Variants in MAGI3 observed in about 807,000 individuals in gnomAD.
MAGI3 encodes the protein membrane associated guanylate kinase, WW and PDZ domain containing 3.
MAGI3 carries 43 observed loss-of-function variants against 121.8 expected under a neutral mutation model. That is an observed-to-expected ratio of 0.35 (90% confidence interval 0.28 to 0.46). The LOEUF is 0.46. Ranked by LOEUF, MAGI3 falls within the 20% of genes least tolerant of loss-of-function variation. MAGI3 has a pLI of 1.00. For missense variants in MAGI3, 1,547 were observed against 1,797.3 expected, an observed-to-expected ratio of 0.86 and a Z score of 2.52; for synonymous variants, 553 against 639.3, an observed-to-expected ratio of 0.86 and a Z score of 2.04.
At chr1:113,541,483 T>A (rs17031648) in intron 1 of MAGI3, among the ~76,000 whole-genome samples, 10,330 of 152,302 alleles carry the variant, frequency 0.068, 388 homozygotes, top group African/African-American at 0.077. Flanking sequence ...CTCCAGAGTA[T>A]TTAATGCTTT....
In MAGI3 at chr1:113,482,645, CTTT is replaced by C. The variant is rs59465922; in HGVS notation, c.317-66850_317-66848del. Reference sequence around the variant, plus strand: ...AGCCACTGCACCAGACCTCAACCTACTTTTTTTTTTTTTTTTTTTTTTAACCAC... The same window carrying C: ...AGCCACTGCACCAGACCTCAACCTACTTTTTTTTTTTTTTTTTTTAACCAC... On this transcript the variant is annotated intron_variant, in intron 1 of 20. Transcript: ENST00000307546. Among the ~76,000 whole-genome samples, 298 of 122,178 alleles carry C rather than the reference CTTT, an allele frequency of 2.4e-3. 2 individuals are homozygous for C. The highest frequency in any genetic ancestry group is 4.3e-3 in the Middle Eastern group (1 of 232). The allele number at this position is 122,178 out of a possible 152,430, so 80.2% of individuals were successfully genotyped here. A position where few individuals can be genotyped will look rare whatever the true frequency, so the allele number is the denominator to read the frequency against.
At chr1:113,630,299 T>A (rs1651544488) in intron 9 of MAGI3, among the ~76,000 whole-genome samples, 1 of 152,212 alleles carries the variant, frequency 6.6e-6, no homozygotes, top group Non-Finnish European at 1.5e-5. Context: ...GCACAAAGGC[T>A]CTTCAGTCAG....
At chr1:113,565,098 C>T (rs967577352) in intron 2 of MAGI3, among the ~76,000 whole-genome samples, 4 of 152,088 alleles carry the variant, frequency 2.6e-5, no homozygotes, top group African/African-American at 9.7e-5. Context: ...GATCCGCCCG[C>T]CTCAGCCTCC....
chr1:113,645,991 C>T (rs2101829414), intron 11 of MAGI3, among the ~76,000 whole-genome samples: 1 of 152,222 alleles, frequency 6.6e-6, no homozygotes, highest in South Asian at 2.1e-4. Context: ...TTCACAGTGC[C>T]ATCTTTATAA....
At chr1:113,405,506 T>G (rs1025102438) in intron 1 of MAGI3, among the ~76,000 whole-genome samples, 6 of 121,126 alleles carry the variant, frequency 5.0e-5, no homozygotes, top group Admixed American at 4.4e-4. Context: ...AAAAAAAGAC[T>G]GAAGGCTGTC....
At chr1:113,642,618 A>G (rs1652612731) in intron 10 of MAGI3, 102 bp downstream of exon 10, 1 of 1,266,850 alleles carries the variant, frequency 7.9e-7, no homozygotes, top group African/African-American at 1.5e-5. Context: ...AGCAGACTTA[A>G]CTAGTAATTA....
intron 1 of MAGI3, among the ~76,000 whole-genome samples, chr1:113,536,491 G>T (rs964951300): frequency 6.6e-6 from 1 of 152,106 alleles, no homozygotes; most frequent in Non-Finnish European, 1.5e-5. Context: ...TCATGATCCT[G>T]TTACCTAAGC....
At chr1:113,408,985 C>T (rs1228692707) in intron 1 of MAGI3, among the ~76,000 whole-genome samples, 5 of 151,824 alleles carry the variant, frequency 3.3e-5, no homozygotes, top group Admixed American at 3.3e-4. Context: ...TAGACCTACC[C>T]AGCAGACTGT....
At chr1:113,666,488 T>C (rs1369778064) in intron 16 of MAGI3, among the ~76,000 whole-genome samples, 1 of 152,196 alleles carries the variant, frequency 6.6e-6, no homozygotes, top group Non-Finnish European at 1.5e-5. Flanking sequence ...TGTTCAAGTT[T>C]TGTCATGAGA....
At chr1:113,530,279 A>G (rs1025335612) in intron 1 of MAGI3, among the ~76,000 whole-genome samples, 1 of 151,600 alleles carries the variant, frequency 6.6e-6, no homozygotes. Context: ...GTCTGCAAAC[A>G]TTTTTGTGTC....
intron 1 of MAGI3, among the ~76,000 whole-genome samples, chr1:113,531,315 AT>A (rs1253237675): frequency 5.9e-5 from 9 of 152,170 alleles, no homozygotes; most frequent in African/African-American, 1.9e-4. Context: ...TATCACTGAC[AT>A]TGTTTAGAAT....
chr1:113,579,849 G>A (rs1464945543), intron 2 of MAGI3, among the ~76,000 whole-genome samples: 1 of 152,072 alleles, frequency 6.6e-6, no homozygotes, highest in East Asian at 1.9e-4. Flanking sequence ...ACAGGTTTGA[G>A]AAGGAAAGTG....
chr1:113,471,274 A>G (rs1655526364), intron 1 of MAGI3, among the ~76,000 whole-genome samples: 1 of 152,228 alleles, frequency 6.6e-6, no homozygotes, highest in South Asian at 2.1e-4. Flanking sequence ...CATATCAAAT[A>G]TTTTCAGCCA....
At chr1:113,592,608 CA>C (rs916335099) in intron 5 of MAGI3, among the ~76,000 whole-genome samples, 56 of 151,974 alleles carry the variant, frequency 3.7e-4, no homozygotes, top group African/African-American at 1.3e-3. Context: ...TTTTTTTAAG[CA>C]AAAAACTTTT....
At chr1:113,460,547 C>T (rs762726215) in intron 1 of MAGI3, among the ~76,000 whole-genome samples, 22 of 152,102 alleles carry the variant, frequency 1.4e-4, no homozygotes, top group Non-Finnish European at 2.5e-4. Context: ...CGGTGGCTCA[C>T]GCCTGTAATC....
intron 9 of MAGI3, among the ~76,000 whole-genome samples, chr1:113,640,487 C>G (rs1409483046): frequency 1.3e-5 from 2 of 152,120 alleles, no homozygotes; most frequent in African/African-American, 4.8e-5. Context: ...CCCAAATGCC[C>G]ATCAATGATA....
At chr1:113,407,919 T>C (rs1166723447) in intron 1 of MAGI3, among the ~76,000 whole-genome samples, 1 of 152,172 alleles carries the variant, frequency 6.6e-6, no homozygotes, top group Admixed American at 6.5e-5. Context: ...TGGATTACAA[T>C]GTTAGCACGG....
chr1:113,618,531 G>C lies in MAGI3; in HGVS notation c.1077-1205G>C, dbSNP rs1179395280. The C allele has an allele frequency of 8.9e-6, 4 of 449,536 alleles. No homozygotes were observed. The Admixed American group carries it at 9.5e-5, about 11-fold the overall frequency. The allele number at this position is 449,536 out of a possible 1,614,324, so 27.8% of individuals were successfully genotyped here. ...TATTTTTTATTTTTTTTGCCGTGGA[G>C]TTTCACTCTTGTCGCCCAAGCTGGA... On this transcript the variant is annotated intron_variant, in intron 7 of 20. Transcript: ENST00000307546.
intron 1 of MAGI3, among the ~76,000 whole-genome samples, chr1:113,447,457 A>G (rs1249779618): frequency 6.6e-6 from 1 of 152,250 alleles, no homozygotes; most frequent in Non-Finnish European, 1.5e-5. Context: ...TCTTAAAGGT[A>G]TCACCTCTTA....
Sources: allele counts gnomAD v4.1 joint callset (sites outside exome capture counted in the v4.1 genomes callset), GRCh38; gene constraint gnomAD v4.1.1; transcripts MANE v1.5; gene names NCBI Gene and HGNC (gene_info 2026-07-23, HGNC 2026-07-21).